Variants in HS3ST5 observed in about 807,000 individuals in gnomAD.
The protein encoded by HS3ST5 is heparan sulfate-glucosamine 3-sulfotransferase 5, also known as heparan sulfate glucosamine 3-O-sulfotransferase 5.
A neutral mutation model predicts 25.4 loss-of-function variants in HS3ST5; 10 were observed. The observed-to-expected ratio is 0.39, with a 90% CI of 0.24 to 0.67. HS3ST5 has a LOEUF of 0.67. Among genes scored for constraint, HS3ST5 ranks in the 30% least tolerant of loss-of-function variants. The probability of loss-of-function intolerance (pLI) is 0.44; values close to 1 mark genes in which losing one functional copy is unlikely to be tolerated. For missense variants in HS3ST5, 324 were observed against 420.7 expected (o/e 0.77, Z 2.01); for synonymous variants, 170 against 162.4 (o/e 1.05, Z -0.36).
At chr6:114,298,133 G>T (rs973235869) in intron 1 of HS3ST5, among the ~76,000 whole-genome samples, 1 of 152,084 alleles carries the variant, frequency 6.6e-6, no homozygotes, top group Non-Finnish European at 1.5e-5. Flanking sequence ...AATAAAAACT[G>T]GCAGAGGCAA....
chr6:114,280,850 ATT>A (rs892719036), intron 1 of HS3ST5, among the ~76,000 whole-genome samples: 6 of 152,020 alleles, frequency 3.9e-5, no homozygotes, highest in Admixed American at 3.3e-4. Context: ...TAAGTAATAA[ATT>A]CATAAAACCT....
chr6:114,160,747 C>T (rs1476445558), intron 3 of HS3ST5, among the ~76,000 whole-genome samples: 1 of 151,928 alleles, frequency 6.6e-6, no homozygotes, highest in Non-Finnish European at 1.5e-5. Context: ...CATAAAATTA[C>T]CTGTTATTAA....
chr6:114,228,282 C>A (rs1267650640), intron 2 of HS3ST5, among the ~76,000 whole-genome samples: 1 of 152,082 alleles, frequency 6.6e-6, no homozygotes, highest in Non-Finnish European at 1.5e-5. Context: ...TCATGTGACT[C>A]CTATGCACAT....
At chr6:114,083,737 T>A (rs1264666199) in intron 3 of HS3ST5, among the ~76,000 whole-genome samples, 2 of 152,224 alleles carry the variant, frequency 1.3e-5, no homozygotes, top group African/African-American at 4.8e-5. Flanking sequence ...CTGGATCTTT[T>A]AAAAATTTGG....
At chr6:114,178,425 C>A (rs572823865) in intron 2 of HS3ST5, among the ~76,000 whole-genome samples, 2 of 152,270 alleles carry the variant, frequency 1.3e-5, no homozygotes, top group East Asian at 3.9e-4. Flanking sequence ...ATTTATGCAG[C>A]AAAAGTTCAC....
At chr6:114,326,347 G>T (rs144780708) in intron 1 of HS3ST5, among the ~76,000 whole-genome samples, 1 of 152,084 alleles carries the variant, frequency 6.6e-6, no homozygotes, top group Non-Finnish European at 1.5e-5. Flanking sequence ...CGGAGATCAC[G>T]CCACTGCACT....
intron 3 of HS3ST5, among the ~76,000 whole-genome samples, chr6:114,099,710 A>G (rs1405242016): frequency 1.3e-5 from 2 of 152,138 alleles, no homozygotes; most frequent in Admixed American, 6.6e-5. Context: ...TAATCCACAT[A>G]TATTGCTAGG....
At chr6:114,315,395 G>T (rs2181437) in intron 1 of HS3ST5, among the ~76,000 whole-genome samples, 99,668 of 151,948 alleles carry the variant, frequency 0.66, 33,129 homozygotes, top group African/African-American at 0.72. Context: ...TTTAAGGGGT[G>T]GTTTTAGTCT....
chr6:114,154,672 A>G (rs1040888973), intron 3 of HS3ST5, among the ~76,000 whole-genome samples: 3 of 151,802 alleles, frequency 2.0e-5, no homozygotes, highest in Non-Finnish European at 2.9e-5. Flanking sequence ...CCCCTCACCC[A>G]CTTCATCTGC....
chr6:114,233,360 T>G (rs992874172), intron 1 of HS3ST5, among the ~76,000 whole-genome samples: 2 of 151,984 alleles, frequency 1.3e-5, no homozygotes, highest in Non-Finnish European at 2.9e-5. Flanking sequence ...CTGAATATTT[T>G]TCAAAAGCTT....
chr6:114,062,267 C>A (rs1031088343), intron 4 of HS3ST5, among the ~76,000 whole-genome samples: 1 of 152,162 alleles, frequency 6.6e-6, no homozygotes, highest in Admixed American at 6.5e-5. Context: ...CCCACGCCTG[C>A]AGCCATCTTT....
intron 4 of HS3ST5, chr6:114,059,512 C>G (rs1041949098): frequency 7.2e-5 from 11 of 152,112 alleles, no homozygotes; most frequent in African/African-American, 2.4e-4. Flanking sequence ...AAATCTCATC[C>G]CGAATTGTAA....
chr6:114,234,520 A>G (rs1270110110), intron 1 of HS3ST5, among the ~76,000 whole-genome samples: 4 of 151,980 alleles, frequency 2.6e-5, no homozygotes, highest in Admixed American at 1.3e-4. Context: ...AAATTCCACC[A>G]AAGTGTCAGT....
At chr6:114,330,554 T>C (rs757613747) in intron 1 of HS3ST5, among the ~76,000 whole-genome samples, 22 of 152,206 alleles carry the variant, frequency 1.4e-4, no homozygotes, top group Non-Finnish European at 2.4e-4. Flanking sequence ...GGTTTAGTGA[T>C]GGTTACAATG....
rs148526493 is a variant in HS3ST5 at position 114,191,183 on chromosome 6, T to A, written c.-144-22721A>T. ...TATATCCTGACAGTTTTTCCTCTTATGGGAAGTTCTTCACAATGTGTATTC... is the reference window on the plus strand; with the variant it reads ...TATATCCTGACAGTTTTTCCTCTTAAGGGAAGTTCTTCACAATGTGTATTC... On this transcript the variant is annotated intron_variant, in intron 2 of 4. Transcript: ENST00000312719. Among the ~76,000 whole-genome samples, 774 of 152,316 alleles carry A rather than the reference T, an allele frequency of 5.1e-3. 4 individuals are homozygous for A. The highest frequency in any genetic ancestry group is 0.02 in the Admixed American group (312 of 15,300).
intron 3 of HS3ST5, among the ~76,000 whole-genome samples, chr6:114,162,262 G>A (rs1049185310): frequency 2.6e-5 from 4 of 152,042 alleles, no homozygotes; most frequent in East Asian, 1.9e-4. Context: ...ATAATGTCTC[G>A]TGAACTCCAT....
intron 1 of HS3ST5, among the ~76,000 whole-genome samples, chr6:114,272,101 T>A (rs186277684): frequency 2.1e-3 from 323 of 152,274 alleles, no homozygotes; most frequent in African/African-American, 7.3e-3. Flanking sequence ...CTCTTTAAAG[T>A]CTGTCTGCTA....
intron 2 of HS3ST5, among the ~76,000 whole-genome samples, chr6:114,193,708 A>G (rs1780611419): frequency 6.6e-6 from 1 of 152,204 alleles, no homozygotes; most frequent in African/African-American, 2.4e-5. Flanking sequence ...AATGTTAACT[A>G]TCAGTATTAT....
chr6:114,185,434 C>A (rs1780174497), intron 2 of HS3ST5, among the ~76,000 whole-genome samples: 1 of 152,176 alleles, frequency 6.6e-6, no homozygotes, highest in Admixed American at 6.5e-5. Context: ...CCTGCTGGCA[C>A]CCTGATCTTG....
Sources: gnomAD v4.1 joint callset for allele counts (sites outside exome capture counted in the v4.1 genomes callset) on GRCh38, gnomAD v4.1.1 for gene constraint, MANE v1.5 for transcripts, NCBI Gene and HGNC (gene_info 2026-07-23, HGNC 2026-07-21) for gene names.